Variants in AGBL1 observed in about 807,000 individuals in gnomAD.
AGBL1 encodes the protein cytosolic carboxypeptidase 4.
AGBL1 carries 130 observed loss-of-function variants against 118.9 expected under a neutral mutation model. The ratio of observed to expected loss-of-function variants is 1.09; its 90% CI spans 0.95 to 1.26. The LOEUF (loss-of-function observed/expected upper bound fraction) is 1.26, where lower values mean the gene tolerates loss of function less well. Ranked by LOEUF, AGBL1 falls within the 50% of genes most tolerant of loss-of-function variation. The pLI is 0.00. For missense variants in AGBL1, 1,584 were observed against 1,298.1 expected (o/e 1.22, Z -3.38); for synonymous variants, 555 against 478.9 (o/e 1.16, Z -2.08).
intron 1 of AGBL1, among the ~76,000 whole-genome samples, chr15:86,089,871 C>T (rs1895906772): frequency 6.6e-6 from 1 of 152,026 alleles, no homozygotes; most frequent in African/African-American, 2.4e-5. Context: ...TTAATTGCAC[C>T]AACTTAATAT....
Position 86,522,818 on chromosome 15 carries a change from G to A in AGBL1, c.2564G>A (p.Cys855Tyr). Reference sequence around the variant, plus strand: ...ATTATTTGTTCCTGTAGCCACAGATGCTCACTGAGCGGGGAAGATTTGAAC... The same window carrying A: ...ATTATTTGTTCCTGTAGCCACAGATACTCACTGAGCGGGGAAGATTTGAAC... ...PDGVINGNHR[C>Y]SLSGEDLNRQ... Residue 855 changes from cysteine to tyrosine, a missense_variant, in exon 19 of 23, where the codon TGC becomes TAC. Cys to Tyr is a radical substitution (Grantham distance 194). Coordinates refer to ENST00000614907, the MANE Select transcript of AGBL1 (RefSeq NM_001386094.1). 1.4e-5 allele frequency: 23 copies of A among 1,613,604 alleles called. No individual in the cohort carries two copies. Among genetic ancestry groups the A allele is most frequent in the Non-Finnish European group, 1.9e-5 (23 of 1,179,586 alleles).
intron 22 of AGBL1, among the ~76,000 whole-genome samples, chr15:86,815,067 G>A (rs1483412442): frequency 1.3e-5 from 2 of 151,976 alleles, no homozygotes; most frequent in Non-Finnish European, 2.9e-5. Flanking sequence ...TAAATCTGAG[G>A]AAAGAATTAT....
At chr15:86,869,950 A>G (rs575452736) in intron 22 of AGBL1, among the ~76,000 whole-genome samples, 117 of 152,264 alleles carry the variant, frequency 7.7e-4, no homozygotes, top group Non-Finnish European at 1.2e-3. Flanking sequence ...TGTCCAGCAG[A>G]GCTGCAAAAT....
At chr15:86,671,706 A>T (rs896101006) in intron 21 of AGBL1, among the ~76,000 whole-genome samples, 6 of 152,200 alleles carry the variant, frequency 3.9e-5, no homozygotes, top group African/African-American at 1.4e-4. Context: ...GGAGAACAAG[A>T]TTTAAAGGCA....
intron 17 of AGBL1, among the ~76,000 whole-genome samples, chr15:86,345,413 A>G (rs1263756793): frequency 1.3e-5 from 2 of 152,250 alleles, no homozygotes; most frequent in Non-Finnish European, 2.9e-5. Context: ...GCTAGGCACA[A>G]AGAATACTGT....
chr15:86,324,944 G>A (rs147671994), intron 17 of AGBL1, among the ~76,000 whole-genome samples: 195 of 152,246 alleles, frequency 1.3e-3, no homozygotes, highest in African/African-American at 4.5e-3. Context: ...TTTCAGGATC[G>A]GAAAGGAGGT....
intron 7 of AGBL1, among the ~76,000 whole-genome samples, chr15:86,256,181 T>A (rs2078892152): frequency 6.6e-6 from 1 of 152,206 alleles, no homozygotes; most frequent in Non-Finnish European, 1.5e-5. Context: ...TGTTCCTACA[T>A]TTTTCACAGT....
Position 86,247,768 on chromosome 15 carries a change from G to A in AGBL1, c.624G>A (p.Val208=). The part of the protein sequence containing the change: ...WHSHDTANAY[V]QIRRGLLLCL... ...GCCATGACACAGCCAACGCCTACGT[G>A]CAGATCCGACGGGGCTTGCTGCTCT... The change falls in exon 7 of 23, where the codon GTG becomes GTA. Residue 208 remains valine (V), a synonymous_variant. Coordinates refer to ENST00000614907, the MANE Select transcript of AGBL1 (RefSeq NM_001386094.1). 1 of 1,613,994 alleles carries A rather than the reference G, an allele frequency of 6.2e-7. No individual in the cohort carries two copies. The highest frequency in any genetic ancestry group is 8.5e-7 in the Non-Finnish European group (1 of 1,179,892).
intron 22 of AGBL1, among the ~76,000 whole-genome samples, chr15:86,715,834 G>A (rs185993859): frequency 1.0e-3 from 155 of 152,136 alleles, no homozygotes; most frequent in Non-Finnish European, 1.5e-3. Context: ...TGAGGCGGGC[G>A]GATCACAAGG....
intron 22 of AGBL1, among the ~76,000 whole-genome samples, chr15:86,811,097 T>C (rs1394416092): frequency 1.3e-5 from 2 of 152,192 alleles, no homozygotes; most frequent in Non-Finnish European, 2.9e-5. Flanking sequence ...GCCCCATTTA[T>C]TGGAGCTAAA....
At chr15:86,433,845 C>T (rs896307086) in intron 18 of AGBL1, among the ~76,000 whole-genome samples, 1 of 152,196 alleles carries the variant, frequency 6.6e-6, no homozygotes, top group East Asian at 1.9e-4. Flanking sequence ...GCATCTTTCT[C>T]AAATAACTCT....
At chr15:86,689,664 A>G (rs556367025) in intron 22 of AGBL1, among the ~76,000 whole-genome samples, 22 of 152,198 alleles carry the variant, frequency 1.4e-4, no homozygotes, top group African/African-American at 5.3e-4. Context: ...CATTACCTCA[A>G]ATTCTGTCCT....
At chr15:86,436,958 T>A (rs2082007421) in intron 18 of AGBL1, among the ~76,000 whole-genome samples, 3 of 151,726 alleles carry the variant, frequency 2.0e-5, no homozygotes, top group Non-Finnish European at 1.5e-5. Flanking sequence ...CCTTGCCAAA[T>A]CTTGAAAAAG....
chr15:86,532,343 G>A (rs1399364877), intron 19 of AGBL1, among the ~76,000 whole-genome samples: 1 of 151,410 alleles, frequency 6.6e-6, no homozygotes, highest in Non-Finnish European at 1.5e-5. Context: ...CAAATCATGA[G>A]TGAACTCCCA....
chr15:86,725,580 C>A (rs2086807101), intron 22 of AGBL1, among the ~76,000 whole-genome samples: 1 of 152,182 alleles, frequency 6.6e-6, no homozygotes, highest in Admixed American at 6.5e-5. Context: ...ATGCGTGAAT[C>A]TGCCTGTGTG....
intron 5 of AGBL1, among the ~76,000 whole-genome samples, chr15:86,195,752 A>G (rs922477593): frequency 2.6e-5 from 4 of 152,258 alleles, no homozygotes; most frequent in Admixed American, 6.5e-5. Flanking sequence ...ACCACAGAGC[A>G]GGATAGCAAA....
At chr15:86,291,099 A>C (rs1440661879) in intron 16 of AGBL1, among the ~76,000 whole-genome samples, 3 of 152,162 alleles carry the variant, frequency 2.0e-5, no homozygotes, top group African/African-American at 7.2e-5. Context: ...AACCAACCCA[A>C]ATGTCCAACA....
chr15:86,579,664 G>T (rs972606615), intron 21 of AGBL1, among the ~76,000 whole-genome samples: 2 of 152,172 alleles, frequency 1.3e-5, no homozygotes, highest in African/African-American at 2.4e-5. Context: ...CCATTGATAA[G>T]ATTTAAAAAG....
intron 16 of AGBL1, among the ~76,000 whole-genome samples, chr15:86,291,462 C>A (rs2079544234): frequency 6.6e-6 from 1 of 152,094 alleles, no homozygotes; most frequent in Non-Finnish European, 1.5e-5. Flanking sequence ...TTCTATGCAA[C>A]AATGAGCAGT....
Sources: gnomAD v4.1 joint callset for allele counts (sites outside exome capture counted in the v4.1 genomes callset) on GRCh38, gnomAD v4.1.1 for gene constraint, MANE v1.5 for transcripts, NCBI Gene and HGNC (gene_info 2026-07-23, HGNC 2026-07-21) for gene names.